PCDHA1: variants seen among roughly 807,000 people sequenced by gnomAD.
PCDHA1 encodes the protein protocadherin alpha 1.
A neutral mutation model predicts 61.3 loss-of-function variants in PCDHA1; 42 were observed. The ratio of observed to expected loss-of-function variants is 0.69; its 90% CI spans 0.54 to 0.89. The LOEUF (loss-of-function observed/expected upper bound fraction) is 0.89. PCDHA1 is among the 40% of genes least tolerant of loss of function. PCDHA1 has a pLI of 0.00. For synonymous variants in PCDHA1, 610 were observed against 553.8 expected (o/e 1.10, Z -1.43); for missense variants, 1,256 against 1,235.3 (o/e 1.02, Z -0.25).
At chr5:140,968,133 A>C in intron 1 of PCDHA1, 6 of 1,614,140 alleles carry the variant, frequency 3.7e-6, no homozygotes, top group Non-Finnish European at 5.1e-6. Context: ...CGTACACTGA[A>C]GGTTGAGATC....
intron 1 of PCDHA1, chr5:140,863,410 G>C: frequency 5.3e-6 from 4 of 753,286 alleles, no homozygotes; most frequent in African/African-American, 1.8e-5. Context: ...GCCCACGCTG[G>C]TGTACCGCAG....
At position 140,828,843 on chromosome 5, in the gene PCDHA1, T is replaced by C. The variant is rs145020293; in HGVS notation, c.2394+40159T>C. On this transcript the variant is annotated intron_variant, in intron 1 of 3. Transcript: ENST00000504120. ...GAACAGTCTGAATACGAAGTAAGAA[T>C]ATTCGAAAATGCAGACAACGGAACA... 84 of 1,614,196 alleles carry C rather than the reference T, an allele frequency of 5.2e-5. No homozygotes were observed. Among genetic ancestry groups the C allele is most frequent in the Non-Finnish European group, 6.9e-5 (81 of 1,180,038 alleles).
chr5:140,795,409 G>C (rs1176048892), intron 1 of PCDHA1: 6 of 1,614,082 alleles, frequency 3.7e-6, no homozygotes, highest in Non-Finnish European at 5.1e-6. Context: ...AAGGCTGCTT[G>C]ATTCTCGGTT....
intron 1 of PCDHA1, chr5:140,823,666 A>T: frequency 6.2e-7 from 1 of 1,614,028 alleles, no homozygotes; most frequent in South Asian, 1.1e-5. Context: ...AGGCGAGATC[A>T]GCACAACACG....
chr5:140,823,053 G>T lies in PCDHA1; in HGVS notation c.2394+34369G>T, dbSNP rs150289473. ...CGGTCTATGAGCTGGTGGTGACCGCGCGGGACGGGGGCTCGCCTTCGCTGT... is the reference window on the plus strand; with the variant it reads ...CGGTCTATGAGCTGGTGGTGACCGCTCGGGACGGGGGCTCGCCTTCGCTGT... On this transcript the variant is annotated intron_variant, in intron 1 of 3. Coordinates refer to ENST00000504120, the MANE Select transcript of PCDHA1 (RefSeq NM_018900.4). 1.4e-5 allele frequency: 23 copies of T among 1,614,068 alleles called. No individual in the cohort carries two copies. The African/African-American group carries it at 2.9e-4, about 21-fold the overall frequency.
intron 1 of PCDHA1, chr5:140,875,698 G>T: frequency 6.2e-7 from 1 of 1,614,084 alleles, no homozygotes; most frequent in Non-Finnish European, 8.5e-7. Flanking sequence ...GGACCTTCTG[G>T]AGGTAAATCT....
At chr5:140,797,140 C>T in intron 1 of PCDHA1, 1 of 1,613,990 alleles carries the variant, frequency 6.2e-7, no homozygotes, top group Non-Finnish European at 8.5e-7. Flanking sequence ...GTGCTCGGTG[C>T]CACCCACCGA....
At chr5:140,984,634 C>G (rs540344154) in intron 3 of PCDHA1, among the ~76,000 whole-genome samples, 4 of 152,298 alleles carry the variant, frequency 2.6e-5, no homozygotes, top group African/African-American at 9.6e-5. Context: ...AAGGGATTCT[C>G]TGCCTTCTCC....
At chr5:140,829,048 C>T (rs2150162121) in intron 1 of PCDHA1, 1 of 1,612,862 alleles carries the variant, frequency 6.2e-7, no homozygotes, top group Non-Finnish European at 8.5e-7. Flanking sequence ...ACAAAATCCT[C>T]ATTGACGCCA....
Position 141,011,309 on chromosome 5 carries a change from A to G in PCDHA1, c.*1372A>G, listed in dbSNP as rs374038361. On this transcript the variant is annotated 3_prime_UTR_variant, in exon 4 of 4. Coordinates refer to ENST00000504120, the MANE Select transcript of PCDHA1 (RefSeq NM_018900.4). ...CTTTTCTATAACACTCTGAATTGCTAATCTTACTAACACCTATGATGTTAC... is the reference window on the plus strand; with the variant it reads ...CTTTTCTATAACACTCTGAATTGCTGATCTTACTAACACCTATGATGTTAC... 9.8e-5 allele frequency: 15 copies of G among 153,742 alleles called. No homozygotes were observed. The highest frequency in any genetic ancestry group is 1.9e-4 in the Non-Finnish European group (13 of 68,036). 9.5% of individuals were successfully genotyped at this position (153,742 alleles called of 1,614,324 possible). A position where few individuals can be genotyped will look rare whatever the true frequency, so the allele number is the denominator to read the frequency against.
intron 1 of PCDHA1, among the ~76,000 whole-genome samples, chr5:140,955,186 G>A (rs246020): frequency 0.56 from 85,667 of 151,968 alleles, 24,773 homozygotes; most frequent in African/African-American, 0.69. Flanking sequence ...GTTTTGTGGT[G>A]TATATGAAGT....
At chr5:140,997,792 T>C (rs1279010273) in intron 3 of PCDHA1, among the ~76,000 whole-genome samples, 1 of 152,160 alleles carries the variant, frequency 6.6e-6, no homozygotes, top group African/African-American at 2.4e-5. Context: ...TATATTATAA[T>C]TTATCCAATT....
At chr5:140,897,028 A>G (rs2065844542) in intron 1 of PCDHA1, among the ~76,000 whole-genome samples, 2 of 152,046 alleles carry the variant, frequency 1.3e-5, no homozygotes, top group Admixed American at 6.6e-5. Context: ...AATTATTTAG[A>G]CCATAGTCAC....
At chr5:140,898,015 T>C (rs376663063) in intron 1 of PCDHA1, among the ~76,000 whole-genome samples, 3 of 152,154 alleles carry the variant, frequency 2.0e-5, no homozygotes, top group Non-Finnish European at 4.4e-5. Context: ...TCATATCCTT[T>C]GCCCACTTTT....
chr5:140,942,759 G>A (rs2093365403), intron 1 of PCDHA1, among the ~76,000 whole-genome samples: 1 of 152,074 alleles, frequency 6.6e-6, no homozygotes, highest in Admixed American at 6.6e-5. Context: ...AAATGAGATG[G>A]CATAATGTAT....
intron 1 of PCDHA1, chr5:140,870,038 A>G (rs1268813918): frequency 8.1e-6 from 13 of 1,613,620 alleles, no homozygotes; most frequent in Non-Finnish European, 1.1e-5. Flanking sequence ...TATGAAGAAA[A>G]CAAGTTTTAT....
At chr5:140,827,044 G>T (rs182892047) in intron 1 of PCDHA1, among the ~76,000 whole-genome samples, 16 of 152,300 alleles carry the variant, frequency 1.1e-4, no homozygotes. Flanking sequence ...TGAATTTGGG[G>T]ATTATTAATA....
chr5:140,861,473 T>C (rs2046940252), intron 1 of PCDHA1: 2 of 491,456 alleles, frequency 4.1e-6, no homozygotes. Context: ...ATCTGCAGAA[T>C]GGCATTTTTG....
chr5:140,863,415 C>T (rs782613716), intron 1 of PCDHA1: 2 of 737,502 alleles, frequency 2.7e-6, no homozygotes, highest in Admixed American at 1.9e-5. Flanking sequence ...CGCTGGTGTA[C>T]CGCAGCGTAG....
Sources: allele counts gnomAD v4.1 joint callset (sites outside exome capture counted in the v4.1 genomes callset), GRCh38; gene constraint gnomAD v4.1.1; transcripts MANE v1.5; gene names NCBI Gene and HGNC (gene_info 2026-07-23, HGNC 2026-07-21).